Variants in COMMD5 observed in about 807,000 individuals in gnomAD.
The protein encoded by COMMD5 is COMM domain-containing protein 5.
COMMD5 carries 10 observed loss-of-function variants against 6.9 expected under a neutral mutation model. That is an observed-to-expected ratio of 1.44 (90% CI 0.89 to 2.45). The LOEUF is 2.45. COMMD5 is among the 30% of genes most tolerant of loss of function. The pLI, the probability that COMMD5 is intolerant of heterozygous loss-of-function variation, is 0.00. For missense variants in COMMD5, 234 were observed against 287.8 expected (o/e 0.81, Z 1.35); for synonymous variants, 127 against 125.3 (o/e 1.01, Z -0.09).
intron 1 of COMMD5, chr8:144,843,909 T>C (rs1240765350): frequency 2.0e-5 from 3 of 152,156 alleles, no homozygotes; most frequent in Non-Finnish European, 4.4e-5. Context: ...AACTTCAAAT[T>C]AGGTCCTTGT....
downstream of COMMD5, among the ~76,000 whole-genome samples, chr8:144,840,637 C>T (rs554497356): frequency 4.6e-5 from 7 of 152,234 alleles, no homozygotes; most frequent in Middle Eastern, 3.4e-3. Context: ...TTGGAGAGTC[C>T]AGAAGGAACG....
chr8:144,852,096 G>A (rs1032541560), intron 1 of COMMD5, among the ~76,000 whole-genome samples: 1 of 146,058 alleles, frequency 6.8e-6, no homozygotes, highest in African/African-American at 2.5e-5. Flanking sequence ...AGACGAAATC[G>A]AGCCGCTGCA....
At chr8:144,838,959 A>ATCTTACTTCCATTC (rs2130652422), downstream of COMMD5, 2 of 152,024 alleles carry the variant, frequency 1.3e-5, no homozygotes, top group Admixed American at 6.6e-5. Context: ...AAAAAAAAAA[A>ATCTTACTTCCATTC]AAAGCAGGGG....
At chr8:144,843,240 G>A (rs780810081) in intron 1 of COMMD5, 37 of 1,456,172 alleles carry the variant, frequency 2.5e-5, no homozygotes, top group East Asian at 4.6e-5. Context: ...ATATGGAATC[G>A]TTTATACTGA....
At position 144,850,497 on chromosome 8, in the gene COMMD5, CTCTCTTTTTCAAT is replaced by C; in HGVS notation, c.*154_*166del. 1.3e-6 allele frequency: 1 copy of C among 762,926 alleles called. No individual in the cohort carries two copies. Among genetic ancestry groups the C allele is most frequent in the Non-Finnish European group, 2.0e-6 (1 of 490,982 alleles). 47.3% of individuals were successfully genotyped at this position (762,926 alleles called of 1,614,324 possible). A position where few individuals can be genotyped will look rare whatever the true frequency, so the allele number is the denominator to read the frequency against. On this transcript the variant is annotated 3_prime_UTR_variant, in exon 2 of 2. Transcript: ENST00000305103. The surrounding 1 kb of genome is among the most constrained non-coding windows in gnomAD (Gnocchi z 4.0). Reference sequence around the variant, plus strand: ...CTTCCAAAAAGAAAAAAAGGCATAGCTCTCTTTTTCAATTAAACAGAAAACTACATAATTACGT... The same window carrying C: ...CTTCCAAAAAGAAAAAAAGGCATAGCTAAACAGAAAACTACATAATTACGT...
At chr8:144,840,457 G>A (rs1829735434), downstream of COMMD5, among the ~76,000 whole-genome samples, 1 of 152,214 alleles carries the variant, frequency 6.6e-6, no homozygotes, top group South Asian at 2.1e-4. Flanking sequence ...TGGCTGCGTG[G>A]TTGTGGTTGT....
intron 1 of COMMD5, chr8:144,843,805 CTT>C (rs1830313626): frequency 6.6e-6 from 1 of 152,164 alleles, no homozygotes; most frequent in Non-Finnish European, 1.5e-5. Flanking sequence ...TACCTAAACT[CTT>C]TTCCCTTAAG....
Position 144,843,519 on chromosome 8 carries a change from C to T in COMMD5, c.*117-1776G>A, listed in dbSNP as rs578000818. Reference sequence around the variant, plus strand: ...AGGAGAATGGCATCAGCCCAGGAGGCGGAGCTTGCAGTGAGCTGAGATCGC... The same window carrying T: ...AGGAGAATGGCATCAGCCCAGGAGGTGGAGCTTGCAGTGAGCTGAGATCGC... On this transcript the variant is annotated intron_variant and NMD_transcript_variant, in intron 1 of 1. Transcript: ENST00000530332. The T allele has an allele frequency of 3.3e-4, 50 of 150,460 alleles. No homozygotes were observed. The East Asian group carries it at 5.5e-3, about 16-fold the overall frequency. The allele number at this position is 150,460 out of a possible 1,614,324, so 9.3% of individuals were successfully genotyped here.
chr8:144,841,733 C>G, exon 2 of COMMD5: 1 of 1,614,126 alleles, frequency 6.2e-7, no homozygotes, highest in Non-Finnish European at 8.5e-7. Flanking sequence ...AGAGCCACTT[C>G]AGATATCGCT....
At position 144,850,927 on chromosome 8, in the gene COMMD5, G is replaced by A; in HGVS notation, c.412C>T (p.Leu138Phe). 1.9e-6 allele frequency: 3 copies of A among 1,607,720 alleles called. No individual in the cohort carries two copies. Among genetic ancestry groups the A allele is most frequent in the Non-Finnish European group, 2.5e-6 (3 of 1,177,580 alleles). The part of the protein sequence containing the change: ...SVVFGSQRPL[L>F]DSVAQQQGAW... ...CCCTGCTGCTGGGCCACAGAATCAA[G>A]GAGGGGCCGCTGGCTCCCAAATACC... is the stretch of plus-strand genomic sequence containing the variant. The change falls in exon 2 of 2, where the codon CTT becomes TTT. Residue 138 changes from leucine to phenylalanine, a missense_variant. Coordinates refer to ENST00000305103, the MANE Select transcript of COMMD5 (RefSeq NM_014066.4). This position sits in a 1 kb window ranked among gnomAD's most constrained non-coding sequence, Gnocchi z 4.0.
downstream of COMMD5, among the ~76,000 whole-genome samples, chr8:144,840,668 T>G (rs1625919): frequency 6.6e-6 from 1 of 151,766 alleles, no homozygotes; most frequent in African/African-American, 2.4e-5. Flanking sequence ...GAAGGCCTCC[T>G]GGGGGCCTCC....
intron 1 of COMMD5, chr8:144,842,223 C>T: frequency 6.2e-7 from 1 of 1,613,982 alleles, no homozygotes; most frequent in Non-Finnish European, 8.5e-7. Flanking sequence ...AGGCCTTCAG[C>T]CAGAGCTCCA....
chr8:144,839,967 C>G (rs901620557), downstream of COMMD5, among the ~76,000 whole-genome samples: 2 of 152,176 alleles, frequency 1.3e-5, no homozygotes, highest in Non-Finnish European at 2.9e-5. Context: ...GAGATGGAGT[C>G]TTTGTTGCCC....
At chr8:144,851,908 C>G (rs1830763469) in intron 1 of COMMD5, among the ~76,000 whole-genome samples, 1 of 152,128 alleles carries the variant, frequency 6.6e-6, no homozygotes, top group Non-Finnish European at 1.5e-5. Flanking sequence ...GAAGGTGAGG[C>G]CAGCGGATCG....
At chr8:144,844,246 C>T (rs571726414) in intron 1 of COMMD5, among the ~76,000 whole-genome samples, 57 of 152,268 alleles carry the variant, frequency 3.7e-4, no homozygotes, top group African/African-American at 1.3e-3. Flanking sequence ...TGTCAGAGAA[C>T]GAGCACTCAA....
intron 1 of COMMD5, among the ~76,000 whole-genome samples, chr8:144,844,276 C>A (rs1830354680): frequency 6.6e-6 from 1 of 152,194 alleles, no homozygotes; most frequent in South Asian, 2.1e-4. Context: ...AGTACCAACC[C>A]CCCCATCCAT....
chr8:144,838,084 T>G, downstream of COMMD5: 1 of 702,942 alleles, frequency 1.4e-6, no homozygotes, highest in Non-Finnish European at 2.6e-6. Flanking sequence ...TAGGGAAGGA[T>G]CCTGTCCTGC....
downstream of COMMD5, among the ~76,000 whole-genome samples, chr8:144,839,484 A>G (rs1829570042): frequency 6.6e-6 from 1 of 152,220 alleles, no homozygotes. Flanking sequence ...CATGGACAGG[A>G]GCGTTTAAAG....
downstream of COMMD5, chr8:144,838,243 C>A: frequency 3.0e-6 from 2 of 662,090 alleles, no homozygotes; most frequent in South Asian, 1.6e-5. Context: ...GGACACCAGT[C>A]ATGGTGGGTT....
Sources: gnomAD v4.1 joint callset for allele counts (sites outside exome capture counted in the v4.1 genomes callset) on GRCh38, gnomAD v4.1.1 for gene constraint, Gnocchi (gnomAD v3.1) non-coding constraint, MANE v1.5 for transcripts, NCBI Gene and HGNC (gene_info 2026-07-23, HGNC 2026-07-21) for gene names.